The following AOPEP variants were observed in gnomAD, a reference collection of about 807,000 sequenced individuals.
The protein encoded by AOPEP is aminopeptidase O.
A neutral mutation model predicts 98.1 loss-of-function variants in AOPEP; 77 were observed. That is an observed-to-expected ratio of 0.78 (90% CI 0.65 to 0.95). The LOEUF is 0.95. Ranked by LOEUF, AOPEP falls within the 40% of genes least tolerant of loss-of-function variation. The pLI is 0.00. For synonymous variants in AOPEP, 346 were observed against 365.3 expected, an observed-to-expected ratio of 0.95 and a Z score of 0.60; for missense variants, 1,024 against 1,024.7, an observed-to-expected ratio of 1.00 and a Z score of 0.01.
the AOPEP span, among the ~76,000 whole-genome samples, chr9:95,098,188 C>T: frequency 2.6e-5 from 4 of 152,324 alleles, no homozygotes; most frequent in Admixed American, 6.5e-5. Flanking sequence ...AGGCCAGGCT[C>T]GGTTTTGACT....
intron 13 of AOPEP, among the ~76,000 whole-genome samples, chr9:95,027,554 T>A (rs1400793463): frequency 6.6e-6 from 1 of 152,226 alleles, no homozygotes; most frequent in East Asian, 1.9e-4. Context: ...TATTTCTGAT[T>A]ATACACATTG....
At chr9:95,090,435 C>T (rs933251841), downstream of AOPEP, among the ~76,000 whole-genome samples, 16 of 152,212 alleles carry the variant, frequency 1.1e-4, no homozygotes, top group African/African-American at 3.1e-4. Context: ...CTGCCGCCTC[C>T]GGCTGTCTGA....
chr9:94,842,081 G>T (rs1297306954), intron 5 of AOPEP, among the ~76,000 whole-genome samples: 1 of 151,936 alleles, frequency 6.6e-6, no homozygotes, highest in Non-Finnish European at 1.5e-5. Flanking sequence ...AAAACAAGAA[G>T]CCAGGTGTGG....
At chr9:94,970,546 T>C (rs1334823691) in intron 10 of AOPEP, among the ~76,000 whole-genome samples, 1 of 151,904 alleles carries the variant, frequency 6.6e-6, no homozygotes, top group Non-Finnish European at 1.5e-5. Flanking sequence ...AGAAATCTTA[T>C]GCAGGGAGAT....
intron 13 of AOPEP, among the ~76,000 whole-genome samples, chr9:95,057,886 T>C (rs1414493290): frequency 6.6e-6 from 1 of 152,142 alleles, no homozygotes; most frequent in Non-Finnish European, 1.5e-5. Context: ...AGCACTGTGG[T>C]CGGGGGCCTT....
the AOPEP span, among the ~76,000 whole-genome samples, chr9:95,138,337 C>T: frequency 6.6e-6 from 1 of 152,160 alleles, no homozygotes; most frequent in Non-Finnish European, 1.5e-5. Context: ...TGTGCTTATG[C>T]CCCTTGTGAA....
chr9:94,791,072 A>G (rs1427704119), intron 3 of AOPEP, among the ~76,000 whole-genome samples: 1 of 152,158 alleles, frequency 6.6e-6, no homozygotes, highest in Non-Finnish European at 1.5e-5. Context: ...TCCCATAGCA[A>G]AGACATTGAA....
At chr9:94,931,764 C>T in intron 7 of AOPEP, 1 of 1,550,446 alleles carries the variant, frequency 6.4e-7, no homozygotes, top group Non-Finnish European at 8.7e-7. Flanking sequence ...AGATCTTTGC[C>T]ACACTGTTCA....
At chr9:94,839,807 C>T (rs1034480936) in intron 5 of AOPEP, among the ~76,000 whole-genome samples, 5 of 152,012 alleles carry the variant, frequency 3.3e-5, no homozygotes, top group South Asian at 2.1e-4. Flanking sequence ...CTCACTCTGT[C>T]GCTCAGGCTG....
At chr9:95,048,579 C>T (rs1377401831) in intron 13 of AOPEP, among the ~76,000 whole-genome samples, 1 of 152,204 alleles carries the variant, frequency 6.6e-6, no homozygotes, top group East Asian at 1.9e-4. Context: ...GCGGCCGGGA[C>T]CAGAACAGCG....
intron 5 of AOPEP, among the ~76,000 whole-genome samples, chr9:94,853,719 C>T (rs2043839956): frequency 2.6e-5 from 4 of 152,142 alleles, no homozygotes; most frequent in African/African-American, 9.7e-5. Flanking sequence ...CTACTCCACA[C>T]AGAGAAAACA....
intron 2 of AOPEP, among the ~76,000 whole-genome samples, chr9:94,765,370 C>A (rs904952371): frequency 1.3e-5 from 2 of 150,566 alleles, no homozygotes; most frequent in African/African-American, 4.9e-5. Context: ...AAGACAGAGG[C>A]AGGAGGATAG....
rs148571438 is a variant in AOPEP at position 94,957,639 on chromosome 9, A to G, written c.1872+1624A>G. On this transcript the variant is annotated intron_variant, in intron 9 of 16. Coordinates refer to ENST00000375315, the MANE Select transcript of AOPEP (RefSeq NM_001193329.3). ...TTTGGTATATTTACAAGATTGTTCA[A>G]CCGTCATCATTATCTAATTTTAGTA... 9.5e-3 allele frequency among the ~76,000 whole-genome samples: 1,448 copies of G among 152,326 alleles called. 11 individuals are homozygous for G. Among genetic ancestry groups the G allele is most frequent in the South Asian group, 0.043 (209 of 4,828 alleles).
chr9:94,743,150 T>G (rs1468143806), intron 1 of AOPEP, among the ~76,000 whole-genome samples: 1 of 146,234 alleles, frequency 6.8e-6, no homozygotes, highest in East Asian at 2.0e-4. Context: ...ATAAACTTGC[T>G]TTCACTTTGC....
the AOPEP span, chr9:95,135,527 T>C: frequency 6.2e-7 from 1 of 1,610,058 alleles, no homozygotes; most frequent in Non-Finnish European, 8.5e-7. Context: ...TAAACAAAAT[T>C]TTAAACAGAA....
chr9:94,933,492 G>C (rs1457189955), intron 7 of AOPEP: 2 of 985,270 alleles, frequency 2.0e-6, no homozygotes, highest in Non-Finnish European at 2.4e-6. Flanking sequence ...AGGAGTCTAT[G>C]GAACTCTTAA....
chr9:94,891,490 C>T (rs1031410680), intron 5 of AOPEP, among the ~76,000 whole-genome samples: 2 of 151,952 alleles, frequency 1.3e-5, no homozygotes, highest in African/African-American at 4.8e-5. Context: ...TTTTATCTTG[C>T]TTTTCATTTT....
In AOPEP at chr9:94,741,421, C is replaced by A. The variant is rs10993332; in HGVS notation, c.-136+14670C>A. Among the ~76,000 whole-genome samples the A allele has an allele frequency of 2.6e-5, 4 of 152,008 alleles. No homozygotes were observed. The South Asian group carries it at 8.3e-4, about 32-fold the overall frequency. ...CCGAGTAGCTGGGACTACAGGCGCCCGCCACCATGCCTGGCTAATTTTTGT... is the reference window on the plus strand; with the variant it reads ...CCGAGTAGCTGGGACTACAGGCGCCAGCCACCATGCCTGGCTAATTTTTGT... On this transcript the variant is annotated intron_variant, in intron 1 of 16. Transcript: ENST00000375315.
At chr9:95,065,845 A>C (rs2067833841) in intron 14 of AOPEP, among the ~76,000 whole-genome samples, 1 of 152,214 alleles carries the variant, frequency 6.6e-6, no homozygotes, top group Non-Finnish European at 1.5e-5. Flanking sequence ...CATTGATGCC[A>C]TCAACCTTAG....
Sources: allele counts gnomAD v4.1 joint callset (sites outside exome capture counted in the v4.1 genomes callset), GRCh38; gene constraint gnomAD v4.1.1; transcripts MANE v1.5; gene names NCBI Gene and HGNC (gene_info 2026-07-23, HGNC 2026-07-21).